The following MACROD2 variants were observed in gnomAD, a reference collection of about 807,000 sequenced individuals.
MACROD2 encodes the protein ADP-ribose glycohydrolase MACROD2.
A neutral mutation model predicts 70.4 loss-of-function variants in MACROD2; 36 were observed. The ratio of observed to expected loss-of-function variants is 0.51; its 90% CI spans 0.39 to 0.68. The LOEUF is 0.68. Ranked by LOEUF, MACROD2 falls within the 30% of genes least tolerant of loss-of-function variation. The pLI is 0.00. For missense variants in MACROD2, 496 were observed against 538.4 expected (o/e 0.92, Z 0.78); for synonymous variants, 172 against 178.8 (o/e 0.96, Z 0.30).
At chr20:15,255,160 A>G (rs2077188607) in intron 6 of MACROD2, among the ~76,000 whole-genome samples, 1 of 151,996 alleles carries the variant, frequency 6.6e-6, no homozygotes, top group South Asian at 2.1e-4. Flanking sequence ...ATTGAACCTG[A>G]TTTAAGATTA....
chr20:14,326,965 C>T lies in MACROD2; in HGVS notation c.272-166514C>T, dbSNP rs750841856. 10 of 1,613,548 alleles carry T rather than the reference C, an allele frequency of 6.2e-6. No homozygotes were observed. The African/African-American group carries it at 8.0e-5, about 13-fold the overall frequency. ...AGTGGATATGCGATTATCATCCAAG[C>T]GTAGTTCTTCTATAGTCCTGGGCAA... is the stretch of plus-strand genomic sequence containing the variant. On this transcript the variant is annotated intron_variant, in intron 3 of 17. Transcript: ENST00000684519. The surrounding 1 kb of genome is among the most constrained non-coding windows in gnomAD (Gnocchi z 5.5).
chr20:14,232,940 C>G (rs1244489181), intron 3 of MACROD2, among the ~76,000 whole-genome samples: 2 of 152,218 alleles, frequency 1.3e-5, no homozygotes, highest in Non-Finnish European at 2.9e-5. Flanking sequence ...GTGACTCTTT[C>G]TTTCAGTTGA....
chr20:15,358,747 T>G (rs927181386), intron 6 of MACROD2, among the ~76,000 whole-genome samples: 2 of 151,992 alleles, frequency 1.3e-5, no homozygotes, highest in African/African-American at 4.8e-5. Context: ...TTCTTGGTAC[T>G]GGCCTGCAGA....
At chr20:14,862,196 TAA>T (rs1491216018) in intron 5 of MACROD2, among the ~76,000 whole-genome samples, 2 of 13,604 alleles carry the variant, frequency 1.5e-4, no homozygotes, top group African/African-American at 5.8e-4. Context: ...TATTTATACA[TAA>T]ATATATAAAT....
intron 8 of MACROD2, among the ~76,000 whole-genome samples, chr20:15,636,317 A>C (rs2146763128): frequency 6.6e-6 from 1 of 152,296 alleles, no homozygotes; most frequent in East Asian, 1.9e-4. Flanking sequence ...GAATATGTGC[A>C]CCCTTGAGAC....
At chr20:14,120,836 C>A (rs1178424018) in intron 3 of MACROD2, among the ~76,000 whole-genome samples, 2 of 151,290 alleles carry the variant, frequency 1.3e-5, no homozygotes, top group Non-Finnish European at 2.9e-5. Flanking sequence ...CACATGTTCT[C>A]ACTCATAATG....
intron 8 of MACROD2, among the ~76,000 whole-genome samples, chr20:15,600,162 G>A (rs1434722814): frequency 6.6e-6 from 1 of 151,996 alleles, no homozygotes; most frequent in Non-Finnish European, 1.5e-5. Context: ...TACAGACTAA[G>A]CCACTGGAGC....
intron 10 of MACROD2, among the ~76,000 whole-genome samples, chr20:15,923,300 G>A (rs548543152): frequency 6.6e-6 from 1 of 152,146 alleles, no homozygotes; most frequent in Non-Finnish European, 1.5e-5. Context: ...CATGGCGGTG[G>A]CAAGAGAAAA....
At chr20:14,739,852 A>G (rs150586762) in intron 5 of MACROD2, among the ~76,000 whole-genome samples, 2,763 of 152,236 alleles carry the variant, frequency 0.018, 42 homozygotes, top group Admixed American at 0.026. Context: ...AAAATAATAC[A>G]TAAAATGGTA....
chr20:14,137,094 G>A (rs1401284603), intron 3 of MACROD2, among the ~76,000 whole-genome samples: 1 of 151,974 alleles, frequency 6.6e-6, no homozygotes, highest in Non-Finnish European at 1.5e-5. Flanking sequence ...CGACTCTTAA[G>A]CAATGCAAGA....
intron 8 of MACROD2, among the ~76,000 whole-genome samples, chr20:15,655,722 A>G (rs999795817): frequency 7.2e-5 from 11 of 152,164 alleles, no homozygotes; most frequent in African/African-American, 2.2e-4. Context: ...TATACTGGAA[A>G]CATTTGAGAA....
At chr20:15,306,855 T>C (rs1258303136) in intron 6 of MACROD2, among the ~76,000 whole-genome samples, 1 of 152,156 alleles carries the variant, frequency 6.6e-6, no homozygotes, top group Non-Finnish European at 1.5e-5. Context: ...CTGGATAATT[T>C]ATTAAAAAAA....
chr20:15,291,358 C>T (rs1366821873), intron 6 of MACROD2, among the ~76,000 whole-genome samples: 3 of 152,118 alleles, frequency 2.0e-5, no homozygotes, highest in Non-Finnish European at 4.4e-5. Context: ...GATAATATTC[C>T]TCATATACCT....
chr20:14,517,744 A>G (rs1335600002), intron 4 of MACROD2, among the ~76,000 whole-genome samples: 1 of 152,056 alleles, frequency 6.6e-6, no homozygotes, highest in South Asian at 2.1e-4. Flanking sequence ...ATTTTTTTCC[A>G]CATGTATGCC....
chr20:14,990,921 G>C (rs1331155131), intron 5 of MACROD2, among the ~76,000 whole-genome samples: 1 of 152,202 alleles, frequency 6.6e-6, no homozygotes, highest in Non-Finnish European at 1.5e-5. Context: ...GATAAGAAAA[G>C]TTATGATATA....
intron 4 of MACROD2, among the ~76,000 whole-genome samples, chr20:14,617,763 C>T (rs1308625964): frequency 6.6e-6 from 1 of 152,106 alleles, no homozygotes; most frequent in Non-Finnish European, 1.5e-5. Context: ...CTATGAGACT[C>T]TGCGAAATTT....
intron 4 of MACROD2, among the ~76,000 whole-genome samples, chr20:14,614,635 T>C (rs560986377): frequency 6.6e-6 from 1 of 152,268 alleles, no homozygotes; most frequent in Non-Finnish European, 1.5e-5. Flanking sequence ...CTAATGCTCA[T>C]TAAATACTAT....
intron 2 of MACROD2, among the ~76,000 whole-genome samples, chr20:14,067,947 A>G (rs530733656): frequency 6.6e-6 from 1 of 152,290 alleles, no homozygotes; most frequent in Non-Finnish European, 1.5e-5. Flanking sequence ...AGTTTTCTTG[A>G]GTTACCTCAA....
At chr20:15,760,545 C>A (rs760348906) in intron 8 of MACROD2, among the ~76,000 whole-genome samples, 5 of 152,144 alleles carry the variant, frequency 3.3e-5, no homozygotes, top group Non-Finnish European at 7.3e-5. Context: ...TGCACGGCAA[C>A]CCCACGCATT....
Sources: allele counts gnomAD v4.1 joint callset (sites outside exome capture counted in the v4.1 genomes callset), GRCh38; gene constraint gnomAD v4.1.1; non-coding constraint Gnocchi (gnomAD v3.1); transcripts MANE v1.5; gene names NCBI Gene and HGNC (gene_info 2026-07-23, HGNC 2026-07-21).